The following SHROOM4 variants were observed in gnomAD, a reference collection of about 807,000 sequenced individuals.
SHROOM4 encodes the protein shroom family member 4.
Under a neutral mutation model 80.3 loss-of-function variants are expected in SHROOM4, and 17 were observed. The ratio of observed to expected loss-of-function variants is 0.21; its 90% CI spans 0.14 to 0.32. SHROOM4 has a LOEUF of 0.32. Among genes scored for constraint, SHROOM4 ranks in the 10% least tolerant of loss-of-function variants. SHROOM4 has a pLI of 1.00. For missense variants in SHROOM4, 993 were observed against 1,140.3 expected, an observed-to-expected ratio of 0.87 and a Z score of 1.86; for synonymous variants, 400 against 437.5, an observed-to-expected ratio of 0.91 and a Z score of 1.07.
At chrX:50,720,438 A>T (rs1934078470) in intron 1 of SHROOM4, among the ~76,000 whole-genome samples, 1 of 112,348 alleles carries the variant, frequency 8.9e-6, no homozygotes, top group Admixed American at 9.4e-5. Flanking sequence ...CTGAGAGTAA[A>T]GGAATCATTT....
At chrX:50,575,976 T>C in the SHROOM4 span, among the ~76,000 whole-genome samples, 1 of 111,857 alleles carries the variant, frequency 8.9e-6, no homozygotes. Context: ...TCACTTTTTG[T>C]GGGGGGAATC....
At chrX:50,741,111 T>C (rs1934645004) in intron 1 of SHROOM4, among the ~76,000 whole-genome samples, 1 of 111,783 alleles carries the variant, frequency 8.9e-6, no homozygotes, top group South Asian at 3.7e-4. Context: ...AATGTATGGG[T>C]GTATTTCTGG....
intron 1 of SHROOM4, among the ~76,000 whole-genome samples, chrX:50,723,551 T>C (rs1934178865): frequency 9.0e-6 from 1 of 111,399 alleles, no homozygotes; most frequent in Admixed American, 9.5e-5. Flanking sequence ...ATTCTGATGC[T>C]TTAATTTCCT....
At chrX:50,677,524 C>T (rs1413875414) in intron 2 of SHROOM4, among the ~76,000 whole-genome samples, 2 of 110,926 alleles carry the variant, frequency 1.8e-5, no homozygotes, top group Non-Finnish European at 3.8e-5. Context: ...GAAAAGACAG[C>T]TAATACTTCT....
At chrX:50,708,057 A>C (rs1207842565) in intron 1 of SHROOM4, among the ~76,000 whole-genome samples, 3 of 111,313 alleles carry the variant, frequency 2.7e-5, no homozygotes, top group Non-Finnish European at 5.7e-5. Context: ...ATGGCAAGTT[A>C]CCCTCCTCTC....
rs1423681872 is a variant in SHROOM4 at position 50,589,426 on chromosome X, C to A, written c.*7269G>T. Among the ~76,000 whole-genome samples the A allele has an allele frequency of 9.0e-6, 1 of 111,306 alleles. No individual in the cohort carries two copies. Among genetic ancestry groups the A allele is most frequent in the Non-Finnish European group, 1.9e-5 (1 of 53,037 alleles). On this transcript the variant is annotated 3_prime_UTR_variant, in exon 9 of 9. Transcript: ENST00000376020. ...ATATTTTCATCATCCCCAAAAGAAACCCCATGCCTATTGCCCCTGAGCCCC... is the reference window on the plus strand; with the variant it reads ...ATATTTTCATCATCCCCAAAAGAAAACCCATGCCTATTGCCCCTGAGCCCC...
intron 1 of SHROOM4, among the ~76,000 whole-genome samples, chrX:50,720,747 A>T (rs1934087371): frequency 8.9e-6 from 1 of 111,877 alleles, no homozygotes; most frequent in South Asian, 3.8e-4. Flanking sequence ...AGAGGCACTT[A>T]GTCTTAAATG....
intron 1 of SHROOM4, among the ~76,000 whole-genome samples, chrX:50,723,622 T>A (rs1602463734): frequency 9.0e-6 from 1 of 111,396 alleles, no homozygotes; most frequent in Admixed American, 9.5e-5. Context: ...GTGCTGATGA[T>A]CAGAGCTTTG....
intron 5 of SHROOM4, among the ~76,000 whole-genome samples, chrX:50,614,587 G>T (rs1338400710): frequency 3.6e-5 from 4 of 112,464 alleles, no homozygotes; most frequent in African/African-American, 6.5e-5. Flanking sequence ...ATTAATGAGG[G>T]TATAAGGAAA....
intron 7 of SHROOM4, among the ~76,000 whole-genome samples, chrX:50,599,584 C>T (rs1929297815): frequency 8.9e-6 from 1 of 111,899 alleles, no homozygotes; most frequent in Non-Finnish European, 1.9e-5. Context: ...CAGTCTGGCC[C>T]CACCTTGCCA....
chrX:50,580,100 A>G, the SHROOM4 span, among the ~76,000 whole-genome samples: 59 of 111,662 alleles, frequency 5.3e-4, no homozygotes, highest in Non-Finnish European at 1.0e-3. Context: ...TGGACAGTTC[A>G]GTGGCTAGAC....
At chrX:50,675,965 T>C (rs1932849631) in intron 2 of SHROOM4, among the ~76,000 whole-genome samples, 1 of 111,336 alleles carries the variant, frequency 9.0e-6, no homozygotes, top group Non-Finnish European at 1.9e-5. Context: ...TCTGGGGAGG[T>C]AAGGATCTGC....
intron 2 of SHROOM4, among the ~76,000 whole-genome samples, chrX:50,691,690 A>G (rs1933225807): frequency 1.8e-5 from 2 of 111,817 alleles, no homozygotes; most frequent in African/African-American, 6.5e-5. Flanking sequence ...AAAAGGACTC[A>G]AGCCCAGACC....
At chrX:50,756,358 A>G (rs1362175599) in intron 1 of SHROOM4, among the ~76,000 whole-genome samples, 4 of 112,421 alleles carry the variant, frequency 3.6e-5, no homozygotes, top group Non-Finnish European at 3.8e-5. Context: ...ATTCTATTGT[A>G]TGATTATACC....
intron 1 of SHROOM4, among the ~76,000 whole-genome samples, chrX:50,812,625 C>G (rs1936362345): frequency 9.0e-6 from 1 of 111,278 alleles, no homozygotes; most frequent in Admixed American, 9.5e-5. Context: ...TGAAGGATCC[C>G]ATACACTGGA....
intron 1 of SHROOM4, among the ~76,000 whole-genome samples, chrX:50,809,781 A>G (rs1355162393): frequency 2.7e-5 from 3 of 111,921 alleles, no homozygotes; most frequent in Non-Finnish European, 5.6e-5. Context: ...ATATCATCAG[A>G]CACATCTGAT....
At chrX:50,635,779 CAA>C (rs1285793452) in intron 3 of SHROOM4, 111 bp from the exon 4 acceptor site, 768 of 368,273 alleles carry the variant, frequency 2.1e-3, no homozygotes, top group South Asian at 3.3e-3. Flanking sequence ...GGAGGGTAGG[CAA>C]AAAAAAAAAA....
At chrX:50,731,952 G>C (rs1557266335) in intron 1 of SHROOM4, among the ~76,000 whole-genome samples, 1 of 111,959 alleles carries the variant, frequency 8.9e-6, no homozygotes, top group Non-Finnish European at 1.9e-5. Context: ...TAGTTTGCAG[G>C]AGAGAATTGG....
At position 50,595,201 on chromosome X, in the gene SHROOM4, C is replaced by T. The variant is rs781957218; in HGVS notation, c.*1494G>A. The T allele has an allele frequency of 8.8e-6, 1 of 113,142 alleles. No homozygotes were observed. Among genetic ancestry groups the T allele is most frequent in the African/African-American group, 3.2e-5 (1 of 30,857 alleles). 9.3% of individuals were successfully genotyped at this position (113,142 alleles called of 1,213,427 possible). ...ACAGGGCAGCATTTGGCCATAACCC[C>T]CTTCTTGCCATCGTCCACCTGAGGG... On this transcript the variant is annotated 3_prime_UTR_variant, in exon 9 of 9. Coordinates refer to ENST00000376020, the MANE Select transcript of SHROOM4 (RefSeq NM_020717.5).
Sources: gnomAD v4.1 joint callset for allele counts (sites outside exome capture counted in the v4.1 genomes callset) on GRCh38, gnomAD v4.1.1 for gene constraint, MANE v1.5 for transcripts, NCBI Gene and HGNC (gene_info 2026-07-23, HGNC 2026-07-21) for gene names.